OPN1MW: variants seen among roughly 807,000 people sequenced by gnomAD.
OPN1MW encodes the protein opsin 1, medium wave sensitive, also known as medium-wave-sensitive opsin 1.
Under a neutral mutation model 7.6 loss-of-function variants are expected in OPN1MW, and 1 was observed. The ratio of observed to expected loss-of-function variants is 0.13; its 90% CI spans 0.05 to 0.62. The LOEUF is 0.62. OPN1MW is among the 20% of genes least tolerant of loss of function. The pLI, the probability that OPN1MW is intolerant of heterozygous loss-of-function variation, is 0.87. For missense variants in OPN1MW, 16 were observed against 122.7 expected (o/e 0.13, Z 4.11); for synonymous variants, 11 against 51.7 (o/e 0.21, Z 3.38).
Position 154,191,673 on chromosome X carries a change from G to A in OPN1MW, c.579-15G>A. On this transcript the variant is annotated splice_polypyrimidine_tract_variant and intron_variant, in intron 3 of 5. Transcript: ENST00000595290. ...CCACCCTGCATCAGGACTGGCTGCC[G>A]GCCCTTCTCTCCAGGTACTGGCCCC... 2 of 44,084 alleles carry A rather than the reference G, an allele frequency of 4.5e-5. No individual in the cohort carries two copies. The highest frequency in any genetic ancestry group is 1.8e-4 in the South Asian group (1 of 5,518). The allele number at this position is 44,084 out of a possible 1,213,427, so 3.6% of individuals were successfully genotyped here.
chrX:154,193,530 C>T lies in OPN1MW; in HGVS notation c.867C>T (p.Cys289=), dbSNP rs1253445165. Residue 289 remains cysteine (C), a synonymous_variant, in exon 5 of 6, where the codon TGC becomes TGT. Coordinates refer to ENST00000595290, the MANE Select transcript of OPN1MW (RefSeq NM_000513.2). ...FCWGPYAFFA[C]FAAANPGYPF... is the part of the protein sequence containing the mutation. ...GGGGACCATACGCCTTCTTCGCATG[C>T]TTTGCTGCTGCCAACCCTGGCTACC... 1.3e-5 allele frequency: 13 copies of T among 1,031,902 alleles called. 3 individuals are homozygous for T. Among genetic ancestry groups the T allele is most frequent in the Non-Finnish European group, 1.7e-5 (13 of 779,985 alleles). 85.0% of individuals were successfully genotyped at this position (1,031,902 alleles called of 1,213,427 possible).
rs1213820340 is a variant in OPN1MW, at chrX:154,191,290, C to T, written c.579-398C>T. On this transcript the variant is annotated intron_variant, in intron 3 of 5. Transcript: ENST00000595290. ...AGACAAGATCTCACTGTGTTCCAGG[C>T]TAGTCTTGAACTCCTGGGCTCGAGC... Among the ~76,000 whole-genome samples the T allele has an allele frequency of 4.2e-5, 4 of 95,310 alleles. No individual in the cohort carries two copies. In the Admixed American group the frequency reaches 5.2e-4, roughly 12 times the overall value. The allele number at this position is 95,310 out of a possible 115,157, so 82.8% of individuals were successfully genotyped here. A position where few individuals can be genotyped will look rare whatever the true frequency, so the allele number is the denominator to read the frequency against.
intron 4 of OPN1MW, 89 bp from the exon 5 acceptor site, chrX:154,193,316 GCTC>G: frequency 1.8e-6 from 1 of 548,390 alleles, no homozygotes; most frequent in East Asian, 3.9e-5. Flanking sequence ...TGGCTGCTGG[GCTC>G]CTCTCCTCCT....
intron 1 of OPN1MW, among the ~76,000 whole-genome samples, chrX:154,186,643 C>CA (rs782579946): frequency 2.4e-3 from 159 of 66,117 alleles, no homozygotes; most frequent in South Asian, 0.01. Flanking sequence ...GACTTTGTCC[C>CA]AAAAAAAAAA....
intron 3 of OPN1MW, among the ~76,000 whole-genome samples, chrX:154,191,160 A>T (rs1417465733): frequency 0.044 from 2,520 of 57,448 alleles, 85 homozygotes; most frequent in African/African-American, 0.12. Flanking sequence ...GGCTCACTGC[A>T]GCCTCCACCT....
intron 1 of OPN1MW, among the ~76,000 whole-genome samples, chrX:154,186,484 T>C (rs2067105987): frequency 1.0e-5 from 1 of 99,488 alleles, no homozygotes; most frequent in African/African-American, 3.5e-5. Flanking sequence ...AAATTGCCAT[T>C]GTGGTAATGC....
intron 3 of OPN1MW, among the ~76,000 whole-genome samples, chrX:154,191,358 G>A (rs1172345651): frequency 1.1e-3 from 81 of 77,028 alleles, no homozygotes; most frequent in African/African-American, 2.9e-3. Flanking sequence ...GACTATAGGC[G>A]TGAGCCATTG....
At chrX:154,191,245 A>AT (rs1393961626) in intron 3 of OPN1MW, among the ~76,000 whole-genome samples, 17 of 91,731 alleles carry the variant, frequency 1.9e-4, no homozygotes, top group African/African-American at 6.0e-4. Flanking sequence ...CACCCAGCTA[A>AT]TTTTTTTTAT....
intron 1 of OPN1MW, among the ~76,000 whole-genome samples, chrX:154,186,529 G>GCAGGAGGATCGCTTGAGCC (rs1381454759): frequency 9.7e-6 from 1 of 103,123 alleles, no homozygotes; most frequent in Non-Finnish European, 2.0e-5. Flanking sequence ...AGAGGCTGAG[G>GCAGGAGGATCGCTTGAGCC]CAGGAGGATC....
At chrX:154,186,665 G>A (rs2067107000) in intron 1 of OPN1MW, among the ~76,000 whole-genome samples, 1 of 94,958 alleles carries the variant, frequency 1.1e-5, no homozygotes, top group Non-Finnish European at 2.2e-5. Context: ...AAAAAGAAAA[G>A]AAAGAAAGGA....
At chrX:154,186,384 G>A (rs1312397355) in intron 1 of OPN1MW, among the ~76,000 whole-genome samples, 1 of 96,882 alleles carries the variant, frequency 1.0e-5, no homozygotes, top group East Asian at 3.0e-4. Context: ...CCAGCTACTT[G>A]GGAGGCCAAG....
chrX:154,186,655 AAAAAGAAAAG>A (rs1244115349), intron 1 of OPN1MW, among the ~76,000 whole-genome samples: 1 of 100,956 alleles, frequency 9.9e-6, no homozygotes, highest in East Asian at 3.1e-4. Context: ...AAAAAAAAAA[AAAAAGAAAAG>A]AAAGAAAGGA....
At chrX:154,191,024 A>G (rs1349371801) in intron 3 of OPN1MW, among the ~76,000 whole-genome samples, 1 of 20,013 alleles carries the variant, frequency 5.0e-5, no homozygotes, top group African/African-American at 1.1e-4. Flanking sequence ...ATGTCCTGGA[A>G]GCAGATAGTG....
intron 3 of OPN1MW, among the ~76,000 whole-genome samples, chrX:154,191,293 G>C (rs1348479329): frequency 1.1e-5 from 1 of 95,008 alleles, no homozygotes; most frequent in Non-Finnish European, 2.2e-5. Flanking sequence ...TTCCAGGCTA[G>C]TCTTGAACTC....
At chrX:154,186,529 GCAGGAGGATCGCTTGAGCC>G (rs1381454759) in intron 1 of OPN1MW, among the ~76,000 whole-genome samples, 54 of 103,108 alleles carry the variant, frequency 5.2e-4, no homozygotes, top group African/African-American at 1.6e-3. Context: ...AGAGGCTGAG[GCAGGAGGATCGCTTGAGCC>G]CAGGAGGATC....
chrX:154,191,911 C>T, intron 4 of OPN1MW, 58 bp downstream of exon 4: 4 of 9,242 alleles, frequency 4.3e-4, no homozygotes, highest in African/African-American at 3.2e-3. Context: ...CTGCTCTGCC[C>T]TCAAATGAGT....
intron 1 of OPN1MW, among the ~76,000 whole-genome samples, chrX:154,186,644 A>C (rs1487150712): frequency 8.5e-3 from 402 of 47,377 alleles, no homozygotes; most frequent in African/African-American, 0.084. Context: ...ACTTTGTCCC[A>C]AAAAAAAAAA....
chrX:154,186,879 GTTTGT>G (rs1395278986), intron 1 of OPN1MW, among the ~76,000 whole-genome samples: 15 of 52,926 alleles, frequency 2.8e-4, no homozygotes, highest in African/African-American at 7.0e-4. Flanking sequence ...TCTTTTTCTT[GTTTGT>G]TTTAATTAAA....
intron 3 of OPN1MW, among the ~76,000 whole-genome samples, chrX:154,191,283 T>G (rs2067114295): frequency 1.0e-5 from 1 of 95,659 alleles, no homozygotes; most frequent in Non-Finnish European, 2.2e-5. Context: ...TCTCACTGTG[T>G]TCCAGGCTAG....
Sources: gnomAD v4.1 joint callset for allele counts (sites outside exome capture counted in the v4.1 genomes callset) on GRCh38, gnomAD v4.1.1 for gene constraint, MANE v1.5 for transcripts, NCBI Gene and HGNC (gene_info 2026-07-23, HGNC 2026-07-21) for gene names.